Variants in PLPPR1 observed in about 807,000 individuals in gnomAD.
The protein encoded by PLPPR1 is phospholipid phosphatase related 1, also known as phospholipid phosphatase-related protein type 1.
Under a neutral mutation model 33.1 loss-of-function variants are expected in PLPPR1, and 10 were observed. The observed-to-expected ratio is 0.30, with a 90% CI of 0.19 to 0.51. PLPPR1 has a LOEUF of 0.51. Ranked by LOEUF, PLPPR1 falls within the 20% of genes least tolerant of loss-of-function variation. The pLI is 0.97. For synonymous variants in PLPPR1, 151 were observed against 151.0 expected (o/e 1.00, Z 0.00); for missense variants, 304 against 408.1 (o/e 0.74, Z 2.20).
At chr9:101,054,951 G>A (rs1011177203) in intron 1 of PLPPR1, among the ~76,000 whole-genome samples, 2 of 152,186 alleles carry the variant, frequency 1.3e-5, no homozygotes, top group African/African-American at 4.8e-5. Context: ...CAGGAGGGGA[G>A]CTAAGCACTT....
At chr9:101,050,759 A>G (rs1247452015) in intron 1 of PLPPR1, among the ~76,000 whole-genome samples, 1 of 152,218 alleles carries the variant, frequency 6.6e-6, no homozygotes, top group Non-Finnish European at 1.5e-5. Context: ...ATGCCTATTA[A>G]TAGCAGCATT....
intron 2 of PLPPR1, among the ~76,000 whole-genome samples, chr9:101,262,043 G>C (rs1470051545): frequency 6.6e-6 from 1 of 151,860 alleles, no homozygotes; most frequent in Non-Finnish European, 1.5e-5. Flanking sequence ...TAGAAAAATA[G>C]TCTCTAATTC....
chr9:101,070,341 A>G (rs752164310), intron 1 of PLPPR1, among the ~76,000 whole-genome samples: 2 of 152,080 alleles, frequency 1.3e-5, no homozygotes, highest in Non-Finnish European at 2.9e-5. Context: ...TTTTGCTCAA[A>G]TTGTTCCAGC....
At chr9:101,132,707 A>C (rs868460077) in intron 1 of PLPPR1, among the ~76,000 whole-genome samples, 2 of 152,192 alleles carry the variant, frequency 1.3e-5, no homozygotes, top group Non-Finnish European at 1.5e-5. Context: ...GCAATACTGC[A>C]CCACTCTGGT....
At chr9:101,276,723 G>A (rs1828204070) in intron 3 of PLPPR1, among the ~76,000 whole-genome samples, 1 of 152,180 alleles carries the variant, frequency 6.6e-6, no homozygotes, top group Non-Finnish European at 1.5e-5. Flanking sequence ...ATACCGCCCT[G>A]GTGCTCTATT....
chr9:101,312,035 G>A (rs779550934), intron 5 of PLPPR1, among the ~76,000 whole-genome samples: 16 of 152,182 alleles, frequency 1.1e-4, no homozygotes, highest in Non-Finnish European at 2.1e-4. Flanking sequence ...AATAACAGCC[G>A]CCTACATCTC....
intron 1 of PLPPR1, among the ~76,000 whole-genome samples, chr9:101,095,173 T>G (rs1295667664): frequency 6.6e-6 from 1 of 152,216 alleles, no homozygotes; most frequent in African/African-American, 2.4e-5. Flanking sequence ...TCTTCTATCC[T>G]CATGTGCCTC....
At chr9:101,223,979 C>T (rs1395452305) in intron 2 of PLPPR1, among the ~76,000 whole-genome samples, 1 of 152,054 alleles carries the variant, frequency 6.6e-6, no homozygotes, top group Non-Finnish European at 1.5e-5. Context: ...TATGAAACCT[C>T]TGCCCGAGTT....
chr9:101,191,317 T>A (rs1826293276), intron 2 of PLPPR1, among the ~76,000 whole-genome samples: 1 of 152,162 alleles, frequency 6.6e-6, no homozygotes, highest in East Asian at 1.9e-4. Context: ...CTCATAACAT[T>A]ACTTTTTGTT....
chr9:101,189,693 G>A (rs1293163301), intron 2 of PLPPR1, among the ~76,000 whole-genome samples: 3 of 152,000 alleles, frequency 2.0e-5, no homozygotes, highest in African/African-American at 7.2e-5. Flanking sequence ...TATCTTTTCT[G>A]CAACATCTAT....
chr9:101,220,883 G>A (rs1478502176), intron 2 of PLPPR1, among the ~76,000 whole-genome samples: 1 of 152,160 alleles, frequency 6.6e-6, no homozygotes. Context: ...CCCATCAAAC[G>A]ATATAGCCAA....
rs115394238 is a variant in PLPPR1, at chr9:101,057,033, C to T, written c.-46+27931C>T. Among the ~76,000 whole-genome samples, 860 of 152,256 alleles carry T rather than the reference C, an allele frequency of 5.6e-3. 7 individuals are homozygous for T. Among genetic ancestry groups the T allele is most frequent in the African/African-American group, 0.019 (802 of 41,548 alleles). On this transcript the variant is annotated intron_variant, in intron 1 of 7. Coordinates refer to ENST00000374874, the MANE Select transcript of PLPPR1 (RefSeq NM_207299.2). ...CCAGCTTTCCAGGCACAAGATAATA[C>T]GCCAAACATACCTAATGCATGAAGC...
chr9:101,110,473 A>G (rs532568870), intron 1 of PLPPR1, among the ~76,000 whole-genome samples: 2 of 152,284 alleles, frequency 1.3e-5, no homozygotes, highest in South Asian at 2.1e-4. Flanking sequence ...ATTTACACAA[A>G]TTTGCAAAAT....
At chr9:101,225,337 GT>G (rs1827041675) in intron 2 of PLPPR1, among the ~76,000 whole-genome samples, 1 of 152,118 alleles carries the variant, frequency 6.6e-6, no homozygotes, top group African/African-American at 2.4e-5. Flanking sequence ...CATTTGTGGA[GT>G]GAAATATTGC....
chr9:101,122,708 A>T (rs1831192578), intron 1 of PLPPR1, among the ~76,000 whole-genome samples: 1 of 152,196 alleles, frequency 6.6e-6, no homozygotes, highest in Non-Finnish European at 1.5e-5. Flanking sequence ...TGACATCCCT[A>T]TGAAAAATAC....
intron 4 of PLPPR1, among the ~76,000 whole-genome samples, chr9:101,306,149 C>T (rs561529668): frequency 1.3e-5 from 2 of 152,290 alleles, no homozygotes; most frequent in South Asian, 4.1e-4. Flanking sequence ...CCTTCCTTGG[C>T]CATTGCTAAT....
At chr9:101,246,077 T>C (rs78466812) in intron 2 of PLPPR1, among the ~76,000 whole-genome samples, 1 of 112,564 alleles carries the variant, frequency 8.9e-6, no homozygotes, top group African/African-American at 3.7e-5. Flanking sequence ...TATATATATA[T>C]ATATATATAT....
intron 4 of PLPPR1, among the ~76,000 whole-genome samples, chr9:101,301,488 A>G (rs569549146): frequency 6.6e-6 from 1 of 152,302 alleles, no homozygotes; most frequent in East Asian, 1.9e-4. Flanking sequence ...TAACAGATAA[A>G]GTGACTAGGT....
rs1462971959 is a variant in PLPPR1, at chr9:101,324,918, C to T, written c.*861C>T. The T allele has an allele frequency of 1.3e-5, 2 of 152,618 alleles. No individual in the cohort carries two copies. The highest frequency in any genetic ancestry group is 2.9e-5 in the Non-Finnish European group (2 of 68,036). 9.5% of individuals were successfully genotyped at this position (152,618 alleles called of 1,614,324 possible). A position where few individuals can be genotyped will look rare whatever the true frequency, so the allele number is the denominator to read the frequency against. On this transcript the variant is annotated 3_prime_UTR_variant, in exon 8 of 8. Transcript: ENST00000374874. Reference sequence around the variant, plus strand: ...GAATCTACAACATAGGGCCCCAGAACAACAGTTTCACTTTGTGGCTTTTAA... The same window carrying T: ...GAATCTACAACATAGGGCCCCAGAATAACAGTTTCACTTTGTGGCTTTTAA...
Sources: allele counts gnomAD v4.1 joint callset (sites outside exome capture counted in the v4.1 genomes callset), GRCh38; gene constraint gnomAD v4.1.1; transcripts MANE v1.5; gene names NCBI Gene and HGNC (gene_info 2026-07-23, HGNC 2026-07-21).